CFAP97: variants seen among roughly 807,000 people sequenced by gnomAD.
CFAP97 encodes cilia- and flagella-associated protein 97.
Under a neutral mutation model 43.1 loss-of-function variants are expected in CFAP97, and 36 were observed. The ratio of observed to expected loss-of-function variants is 0.84; its 90% CI spans 0.64 to 1.10. The LOEUF is 1.10. CFAP97 is among the 50% of genes least tolerant of loss of function. The probability of loss-of-function intolerance (pLI) is 0.00; values close to 1 mark genes in which losing one functional copy is unlikely to be tolerated. For synonymous variants in CFAP97, 228 were observed against 225.7 expected (o/e 1.01, Z -0.09); for missense variants, 657 against 620.3 (o/e 1.06, Z -0.63).
At chr4:185,197,158 A>C (rs1025355918) in intron 1 of CFAP97, among the ~76,000 whole-genome samples, 4 of 151,776 alleles carry the variant, frequency 2.6e-5, no homozygotes, top group African/African-American at 9.7e-5. Flanking sequence ...TAAAAAATAA[A>C]CATTTTCTTG....
intron 2 of CFAP97, among the ~76,000 whole-genome samples, chr4:185,178,059 T>G (rs1343626554): frequency 2.0e-5 from 3 of 151,934 alleles, no homozygotes; most frequent in African/African-American, 4.8e-5. Flanking sequence ...TATGCCAAGT[T>G]AGTGACAAAA....
chr4:185,175,803 T>G lies in CFAP97; in HGVS notation c.1303A>C (p.Ile435Leu). The G allele has an allele frequency of 6.2e-7, 1 of 1,613,136 alleles. No individual in the cohort carries two copies. The highest frequency in any genetic ancestry group is 8.5e-7 in the Non-Finnish European group (1 of 1,179,468). The change falls in exon 3 of 5, where the codon ATT becomes CTT. Residue 435 changes from isoleucine (I) to leucine (L), a missense_variant. Transcript: ENST00000458385. Reference protein sequence around the residue: ...ALNRQKEQQRIERENLALLKR... With the variant: ...ALNRQKEQQRLERENLALLKR... ...TTACTTACCAAGTTTTCTCTCTCAA[T>G]CCTTTGTTGTTCCTTCTGTCTGTTG... is the stretch of plus-strand genomic sequence containing the variant.
chr4:185,178,309 G>A (rs867668699), intron 2 of CFAP97, among the ~76,000 whole-genome samples: 7 of 144,224 alleles, frequency 4.9e-5, no homozygotes, highest in East Asian at 4.0e-4. Context: ...GTGCAGTGGC[G>A]TGATCTTGGT....
chr4:185,190,184 TTC>T lies in CFAP97; in HGVS notation c.1011_1012del (p.Lys338SerfsTer4), dbSNP rs753854333. Reference sequence around the variant, plus strand: ...CAGATCCATTGTGTCATGTAAGACTTTCTGTTTATGTCTGTGGTCTAAACTGG... The same window carrying T: ...CAGATCCATTGTGTCATGTAAGACTTTGTTTATGTCTGTGGTCTAAACTGG... On this transcript the variant is annotated frameshift_variant, in exon 2 of 5. Coordinates refer to ENST00000458385, the MANE Select transcript of CFAP97 (RefSeq NM_020827.3). LOFTEE classifies it high-confidence loss of function. 2 of 1,596,054 alleles carry T rather than the reference TTC, an allele frequency of 1.3e-6. No homozygotes were observed. The highest frequency in any genetic ancestry group is 2.3e-5 in the South Asian group (2 of 86,940).
intron 2 of CFAP97, among the ~76,000 whole-genome samples, chr4:185,177,503 T>C (rs1175929821): frequency 1.3e-5 from 2 of 152,192 alleles, no homozygotes; most frequent in African/African-American, 4.8e-5. Context: ...TAAACATGTT[T>C]AGCATTTTAT....
At chr4:185,202,131 T>C (rs1307101485) in intron 1 of CFAP97, among the ~76,000 whole-genome samples, 2 of 152,230 alleles carry the variant, frequency 1.3e-5, no homozygotes, top group African/African-American at 4.8e-5. Flanking sequence ...GAGAACCTGA[T>C]GAATTTAGTC....
At chr4:185,186,819 T>C (rs1249684236) in intron 2 of CFAP97, among the ~76,000 whole-genome samples, 3 of 152,240 alleles carry the variant, frequency 2.0e-5, no homozygotes, top group African/African-American at 4.8e-5. Context: ...CTATAACCTA[T>C]ATAAACAAAA....
chr4:185,193,117 G>A (rs1736376308), intron 1 of CFAP97, among the ~76,000 whole-genome samples: 2 of 152,104 alleles, frequency 1.3e-5, no homozygotes, highest in Admixed American at 6.6e-5. Flanking sequence ...CATTTCTGGA[G>A]GCAAAGAGCC....
intron 1 of CFAP97, among the ~76,000 whole-genome samples, chr4:185,197,784 T>A (rs1206800019): frequency 3.3e-5 from 5 of 152,080 alleles, no homozygotes; most frequent in Non-Finnish European, 7.4e-5. Flanking sequence ...CTTAGAAAAT[T>A]TTAAATCAAA....
At chr4:185,169,432 T>C (rs1735203249) in intron 3 of CFAP97, 1 of 241,002 alleles carries the variant, frequency 4.1e-6, no homozygotes, top group Non-Finnish European at 6.7e-6. Flanking sequence ...TGCTTCTGCT[T>C]CGCCTTCCAG....
intron 1 of CFAP97, among the ~76,000 whole-genome samples, chr4:185,201,830 C>T (rs911742574): frequency 6.6e-6 from 1 of 152,182 alleles, no homozygotes; most frequent in East Asian, 1.9e-4. Flanking sequence ...TAACCCTCCA[C>T]CTGGTTTTAT....
At chr4:185,197,782 A>G (rs1350832742) in intron 1 of CFAP97, among the ~76,000 whole-genome samples, 1 of 152,150 alleles carries the variant, frequency 6.6e-6, no homozygotes, top group Non-Finnish European at 1.5e-5. Flanking sequence ...CCCTTAGAAA[A>G]TTTTAAATCA....
intron 3 of CFAP97, among the ~76,000 whole-genome samples, chr4:185,174,117 C>T (rs185114665): frequency 6.6e-6 from 1 of 152,270 alleles, no homozygotes; most frequent in East Asian, 1.9e-4. Context: ...TCTGTAACTA[C>T]AATAACTATA....
upstream of CFAP97, chr4:185,209,607 A>G: frequency 4.8e-6 from 2 of 414,282 alleles, no homozygotes; most frequent in Non-Finnish European, 3.2e-6. The surrounding 1 kb of genome is among the most constrained non-coding windows in gnomAD (Gnocchi z 5.2). Flanking sequence ...CAGTCACAAC[A>G]CGGTGGGGCT....
intron 2 of CFAP97, among the ~76,000 whole-genome samples, chr4:185,188,548 T>G (rs2111381833): frequency 6.6e-6 from 1 of 152,292 alleles, no homozygotes; most frequent in South Asian, 2.1e-4. Flanking sequence ...TTTGCCATGT[T>G]GGCCAGGCTG....
chr4:185,200,569 G>A (rs1450121234), intron 1 of CFAP97, among the ~76,000 whole-genome samples: 1 of 152,118 alleles, frequency 6.6e-6, no homozygotes, highest in Non-Finnish European at 1.5e-5. Flanking sequence ...GAACCTGGGA[G>A]GTAGAGGTTG....
At chr4:185,209,967 G>C (rs1737474969), upstream of CFAP97, 1 of 983,452 alleles carries the variant, frequency 1.0e-6, no homozygotes, top group Admixed American at 6.2e-5. The surrounding 1 kb of genome is among the most constrained non-coding windows in gnomAD (Gnocchi z 5.2). Context: ...CAGCAGCGGC[G>C]GCGCCGGGGG....
At chr4:185,193,253 G>GA (rs1308142417) in intron 1 of CFAP97, among the ~76,000 whole-genome samples, 1 of 151,816 alleles carries the variant, frequency 6.6e-6, no homozygotes, top group African/African-American at 2.4e-5. Context: ...CATTGAAAAA[G>GA]AAAAAAGACA....
intron 1 of CFAP97, among the ~76,000 whole-genome samples, chr4:185,202,988 T>C (rs567745681): frequency 6.6e-6 from 1 of 152,288 alleles, no homozygotes; most frequent in East Asian, 1.9e-4. Flanking sequence ...TAGGAAAGGA[T>C]AAAATTAAAG....
Sources: gnomAD v4.1 joint callset for allele counts (sites outside exome capture counted in the v4.1 genomes callset) on GRCh38, gnomAD v4.1.1 for gene constraint, Gnocchi (gnomAD v3.1) non-coding constraint, MANE v1.5 for transcripts, NCBI Gene and HGNC (gene_info 2026-07-23, HGNC 2026-07-21) for gene names.